Variants in GABBR2 observed in about 807,000 individuals in gnomAD.
GABBR2 encodes the protein G-protein coupled receptor 51.
GABBR2 carries 23 observed loss-of-function variants against 105.6 expected under a neutral mutation model. That is an observed-to-expected ratio of 0.22 (90% confidence interval 0.16 to 0.31). GABBR2 has a LOEUF of 0.31. Ranked by LOEUF, GABBR2 falls within the 10% of genes least tolerant of loss-of-function variation. The pLI is 1.00. For synonymous variants in GABBR2, 478 were observed against 499.7 expected (o/e 0.96, Z 0.58); for missense variants, 734 against 1,245.5 (o/e 0.59, Z 6.18).
intron 3 of GABBR2, among the ~76,000 whole-genome samples, chr9:98,509,168 T>G (rs1363411379): frequency 6.6e-6 from 1 of 152,260 alleles, no homozygotes; most frequent in African/African-American, 2.4e-5. Context: ...GGATCTGGAG[T>G]GGACCTCTAG....
chr9:98,422,496 CTGTGTGTGTGTG>C (rs370880704), intron 7 of GABBR2, among the ~76,000 whole-genome samples: 34 of 146,472 alleles, frequency 2.3e-4, no homozygotes, highest in Admixed American at 6.8e-4. Context: ...CTTAATGCAC[CTGTGTGTGTGTG>C]TGTGTGTGTG....
intron 1 of GABBR2, among the ~76,000 whole-genome samples, chr9:98,618,466 G>GA (rs922328277): frequency 1.3e-4 from 19 of 142,416 alleles, no homozygotes; most frequent in African/African-American, 5.0e-4. Flanking sequence ...CCATGCAAAG[G>GA]AAAAAAAAAG....
chr9:98,694,391 T>A lies in GABBR2; in HGVS notation c.321+14026A>T, dbSNP rs1045163178. On this transcript the variant is annotated intron_variant, in intron 1 of 18. Transcript: ENST00000259455. ...GGGCCTGACACCTGCCAAAGACAGA[T>A]GATTGGTTTTTGAAGACATTTGACA... is the stretch of plus-strand genomic sequence containing the variant. 2.6e-4 allele frequency among the ~76,000 whole-genome samples: 40 copies of A among 152,334 alleles called. 1 individual carries two copies. The highest frequency in any genetic ancestry group is 9.4e-4 in the African/African-American group (39 of 41,572).
chr9:98,653,169 T>C (rs1830133285), intron 1 of GABBR2, among the ~76,000 whole-genome samples: 1 of 152,206 alleles, frequency 6.6e-6, no homozygotes, highest in South Asian at 2.1e-4. Context: ...TAAGTTATTA[T>C]TTTTACTTTT....
intron 2 of GABBR2, chr9:98,555,532 T>C (rs115610259): frequency 3.0e-4 from 45 of 152,342 alleles, no homozygotes; most frequent in African/African-American, 1.0e-3. Context: ...AATTAACAAA[T>C]TACATTAGAA....
intron 1 of GABBR2, among the ~76,000 whole-genome samples, chr9:98,660,585 G>C (rs1830246694): frequency 6.6e-6 from 1 of 152,152 alleles, no homozygotes; most frequent in Non-Finnish European, 1.5e-5. Context: ...TCACCACAAA[G>C]TTATCAGCTT....
rs905371742 is a variant in GABBR2, at chr9:98,629,990, T to C, written c.322-51918A>G. 5.6e-4 allele frequency among the ~76,000 whole-genome samples: 85 copies of C among 152,302 alleles called. 1 individual carries two copies. Among genetic ancestry groups the C allele is most frequent in the African/African-American group, 1.8e-3 (75 of 41,552 alleles). On this transcript the variant is annotated intron_variant, in intron 1 of 18. Coordinates refer to ENST00000259455, the MANE Select transcript of GABBR2 (RefSeq NM_005458.8). ...TATTTTAAAATAAATTAAAACACTT[T>C]TGTGGGCTTCTAAAAGTATTCATGT...
At chr9:98,456,663 A>T (rs1355491313) in intron 6 of GABBR2, among the ~76,000 whole-genome samples, 1 of 152,204 alleles carries the variant, frequency 6.6e-6, no homozygotes, top group South Asian at 2.1e-4. Context: ...TGTAGAGCAA[A>T]ATCGTTCTTC....
chr9:98,361,460 G>A (rs1831581603), intron 13 of GABBR2, among the ~76,000 whole-genome samples: 1 of 152,180 alleles, frequency 6.6e-6, no homozygotes, highest in Non-Finnish European at 1.5e-5. Context: ...GCTCTTCCTG[G>A]TGTTGACATC....
intron 13 of GABBR2, among the ~76,000 whole-genome samples, chr9:98,326,804 T>C (rs772697415): frequency 6.6e-6 from 1 of 152,248 alleles, no homozygotes; most frequent in Non-Finnish European, 1.5e-5. Context: ...AGTCAGGTAC[T>C]TTGCTAGGCA....
At chr9:98,606,687 T>A in intron 1 of GABBR2, 1 of 190,290 alleles carries the variant, frequency 5.3e-6, no homozygotes, top group Non-Finnish European at 1.1e-5. Flanking sequence ...TCCATGTTGG[T>A]CAGGCTGGTC....
At chr9:98,422,375 C>T (rs1832797058) in intron 7 of GABBR2, among the ~76,000 whole-genome samples, 1 of 152,192 alleles carries the variant, frequency 6.6e-6, no homozygotes, top group Admixed American at 6.5e-5. Context: ...GCATTCAGGA[C>T]AGCGTCTGGC....
At chr9:98,423,819 C>T (rs1417828962) in intron 7 of GABBR2, among the ~76,000 whole-genome samples, 1 of 152,206 alleles carries the variant, frequency 6.6e-6, no homozygotes, top group African/African-American at 2.4e-5. Flanking sequence ...CAGCTTTCTA[C>T]ATATGGCTAG....
At chr9:98,448,136 G>T (rs1024539043) in intron 7 of GABBR2, among the ~76,000 whole-genome samples, 1 of 152,028 alleles carries the variant, frequency 6.6e-6, no homozygotes, top group Non-Finnish European at 1.5e-5. Context: ...GGCAGAGGAT[G>T]AAGGATGGCT....
intron 8 of GABBR2, among the ~76,000 whole-genome samples, chr9:98,405,458 A>T (rs746133912): frequency 1.1e-4 from 17 of 152,232 alleles, no homozygotes; most frequent in Non-Finnish European, 2.1e-4. Context: ...ACCCCACAAC[A>T]ATGCAAAGGT....
At chr9:98,356,324 A>C (rs1831482640) in intron 13 of GABBR2, among the ~76,000 whole-genome samples, 1 of 152,256 alleles carries the variant, frequency 6.6e-6, no homozygotes. Context: ...ACCTCTTAAA[A>C]TTCAACAATA....
intron 1 of GABBR2, among the ~76,000 whole-genome samples, chr9:98,699,975 G>C (rs988499956): frequency 1.1e-4 from 16 of 152,184 alleles, no homozygotes; most frequent in Admixed American, 8.5e-4. Context: ...AAAAAAGTTA[G>C]AGATAAGAAG....
intron 9 of GABBR2, among the ~76,000 whole-genome samples, chr9:98,393,373 A>G (rs1832229486): frequency 7.0e-6 from 1 of 142,996 alleles, no homozygotes; most frequent in African/African-American, 2.7e-5. Flanking sequence ...CCATCCACAC[A>G]CCCACTCATC....
chr9:98,454,888 G>A lies in GABBR2; in HGVS notation c.1000-671C>T, dbSNP rs1296468567. ...GCACAGTCTACCCTCAAGAACTGGG[G>A]CAAGAGGCTCCCTAGACCCTGGAAG... On this transcript the variant is annotated intron_variant, in intron 6 of 18. Transcript: ENST00000259455. The surrounding 1 kb of genome is among the most constrained non-coding windows in gnomAD (Gnocchi z 4.6). Among the ~76,000 whole-genome samples the A allele has an allele frequency of 6.6e-6, 1 of 152,164 alleles. No homozygotes were observed. Among genetic ancestry groups the A allele is most frequent in the African/African-American group, 2.4e-5 (1 of 41,434 alleles).
Sources: gnomAD v4.1 joint callset for allele counts (sites outside exome capture counted in the v4.1 genomes callset) on GRCh38, gnomAD v4.1.1 for gene constraint, Gnocchi (gnomAD v3.1) non-coding constraint, MANE v1.5 for transcripts, NCBI Gene and HGNC (gene_info 2026-07-23, HGNC 2026-07-21) for gene names.